Variants in FREM2 observed in about 807,000 individuals in gnomAD.
The protein encoded by FREM2 is FRAS1-related extracellular matrix protein 2.
Under a neutral mutation model 219.9 loss-of-function variants are expected in FREM2, and 119 were observed. That is an observed-to-expected ratio of 0.54 (90% CI 0.47 to 0.63). The LOEUF (loss-of-function observed/expected upper bound fraction) is 0.63. Ranked by LOEUF, FREM2 falls within the 30% of genes least tolerant of loss-of-function variation. FREM2 has a pLI of 0.00. For synonymous variants in FREM2, 1,562 were observed against 1,522.8 expected (o/e 1.03, Z -0.60); for missense variants, 4,030 against 3,993.6 (o/e 1.01, Z -0.25).
intron 6 of FREM2, among the ~76,000 whole-genome samples, chr13:38,814,474 C>G (rs1416228081): frequency 6.6e-6 from 1 of 152,194 alleles, no homozygotes; most frequent in Non-Finnish European, 1.5e-5. Flanking sequence ...GGCAGAGGCT[C>G]TTGTTCTTCT....
At chr13:38,808,040 TGA>T (rs1477854327) in intron 6 of FREM2, among the ~76,000 whole-genome samples, 1 of 151,978 alleles carries the variant, frequency 6.6e-6, no homozygotes, top group Non-Finnish European at 1.5e-5. Flanking sequence ...TTCATTTTAG[TGA>T]GATCTTCTGG....
intron 2 of FREM2, among the ~76,000 whole-genome samples, chr13:38,742,406 T>C (rs1458676539): frequency 6.6e-6 from 1 of 152,204 alleles, no homozygotes; most frequent in Admixed American, 6.5e-5. Context: ...AATGTGAATT[T>C]GGCACAGGGG....
At chr13:38,716,881 G>A (rs1426091237) in intron 2 of FREM2, among the ~76,000 whole-genome samples, 3 of 152,188 alleles carry the variant, frequency 2.0e-5, no homozygotes, top group Non-Finnish European at 4.4e-5. Context: ...ATGTGTACAC[G>A]CATAGACAAA....
At chr13:38,812,680 A>AGACCAGCC (rs1482894991) in intron 6 of FREM2, among the ~76,000 whole-genome samples, 1 of 152,088 alleles carries the variant, frequency 6.6e-6, no homozygotes, top group Non-Finnish European at 1.5e-5. Context: ...CAGGAGTTTG[A>AGACCAGCC]GACCAGCCTG....
intron 2 of FREM2, 77 bp from the exon 3 acceptor site, chr13:38,764,227 T>C: frequency 9.7e-7 from 1 of 1,029,214 alleles, no homozygotes. Flanking sequence ...GTTGTTTCAT[T>C]AAAGTAATCT....
chr13:38,825,956 G>A (rs1317451040), intron 6 of FREM2, among the ~76,000 whole-genome samples: 1 of 152,058 alleles, frequency 6.6e-6, no homozygotes, highest in East Asian at 1.9e-4. Flanking sequence ...TCTCTTTAAA[G>A]CCAAAATGTT....
rs574982466 is a variant in FREM2 at position 38,712,159 on chromosome 13, G to A, written c.5263+14372G>A. 9.2e-5 allele frequency among the ~76,000 whole-genome samples: 14 copies of A among 152,094 alleles called. No homozygotes were observed. In the South Asian group the frequency reaches 2.9e-3, roughly 32 times the overall value. On this transcript the variant is annotated intron_variant, in intron 2 of 23. Coordinates refer to ENST00000280481, the MANE Select transcript of FREM2 (RefSeq NM_207361.6). ...TCCACCTGCCTCGGCCCCCCAAAGT[G>A]CTGGGATTACAGGCGTGAGCCACCG...
At chr13:38,823,879 TA>T (rs1217261474) in intron 6 of FREM2, among the ~76,000 whole-genome samples, 1 of 152,060 alleles carries the variant, frequency 6.6e-6, no homozygotes, top group Non-Finnish European at 1.5e-5. Context: ...CCCATAGTAT[TA>T]AATTCTTCAA....
intron 14 of FREM2, among the ~76,000 whole-genome samples, chr13:38,860,923 ATTTT>A (rs1566170120): frequency 6.6e-6 from 1 of 152,204 alleles, no homozygotes; most frequent in African/African-American, 2.4e-5. Context: ...TTGCTCTCTG[ATTTT>A]TAAGGAGACT....
At chr13:38,869,038 G>T (rs577905475) in intron 16 of FREM2, among the ~76,000 whole-genome samples, 3 of 152,288 alleles carry the variant, frequency 2.0e-5, no homozygotes, top group Middle Eastern at 6.8e-3. Flanking sequence ...GACATTACTT[G>T]CCCTCCTCTA....
intron 4 of FREM2, among the ~76,000 whole-genome samples, chr13:38,780,498 G>C (rs1247982424): frequency 1.3e-5 from 2 of 152,086 alleles, no homozygotes; most frequent in East Asian, 3.9e-4. Flanking sequence ...TCAACTCTTA[G>C]ACCTGGTGTC....
At chr13:38,793,594 A>G (rs1874651428) in intron 6 of FREM2, among the ~76,000 whole-genome samples, 1 of 152,226 alleles carries the variant, frequency 6.6e-6, no homozygotes, top group South Asian at 2.1e-4. Context: ...TCATTCTTGC[A>G]ATAGAAATAG....
At chr13:38,755,841 C>G (rs895504381) in intron 2 of FREM2, among the ~76,000 whole-genome samples, 5 of 152,196 alleles carry the variant, frequency 3.3e-5, no homozygotes, top group African/African-American at 1.2e-4. Context: ...AGAATTCATT[C>G]CATGCATATC....
At position 38,874,496 on chromosome 13, in the gene FREM2, AC is replaced by A; in HGVS notation, c.8193del (p.Ser2732AlafsTer36). On this transcript the variant is annotated frameshift_variant, in exon 18 of 24. Coordinates refer to ENST00000280481, the MANE Select transcript of FREM2 (RefSeq NM_207361.6). LOFTEE classifies it high-confidence loss of function. ...CCCCATTATAGGTTCTCTCTATCCA[AC>A]CAGCATGCGCATCGGTGATGAGGGG... ...EAELQGSLYPTSMRIGDEGRL... is the reference protein window; with the variant it reads ...EAELQGSLYPXSMRIGDEGRL... The A allele has an allele frequency of 6.2e-7, 1 of 1,613,990 alleles. No individual in the cohort carries two copies. Among genetic ancestry groups the A allele is most frequent in the South Asian group, 1.1e-5 (1 of 91,074 alleles).
At position 38,688,938 on chromosome 13, in the gene FREM2, C is replaced by G. The variant is rs768689433; in HGVS notation, c.1594C>G (p.Leu532Val). 1.9e-5 allele frequency: 31 copies of G among 1,613,010 alleles called. 1 individual carries two copies. In the South Asian group the frequency reaches 3.1e-4, roughly 16 times the overall value. Residue 532 changes from leucine to valine, a missense_variant, in exon 1 of 24, where the codon CTG becomes GTG. Transcript: ENST00000280481. Reference protein sequence around the residue: ...DDRDGSLSDNLVLRMVDGGGR... With the variant: ...DDRDGSLSDNVVLRMVDGGGR... ...CAGAGACGGCTCGCTGAGCGACAAC[C>G]TGGTGCTTCGCATGGTGGATGGAGG...
At chr13:38,809,084 T>A (rs993279769) in intron 6 of FREM2, among the ~76,000 whole-genome samples, 3 of 151,836 alleles carry the variant, frequency 2.0e-5, no homozygotes, top group Non-Finnish European at 4.4e-5. Context: ...TTTCATTTTT[T>A]AAAATTGTTA....
chr13:38,790,675 G>A (rs1874525138), intron 6 of FREM2, among the ~76,000 whole-genome samples: 1 of 152,028 alleles, frequency 6.6e-6, no homozygotes, highest in South Asian at 2.1e-4. Flanking sequence ...TATTAGGTTG[G>A]TACAAAAGTA....
At chr13:38,805,074 A>G (rs1402518269) in intron 6 of FREM2, among the ~76,000 whole-genome samples, 3 of 152,100 alleles carry the variant, frequency 2.0e-5, no homozygotes, top group Non-Finnish European at 4.4e-5. Flanking sequence ...CACTTTAAAA[A>G]CCAAGCAAAA....
At chr13:38,744,203 C>CTTTTT (rs11308232) in intron 2 of FREM2, among the ~76,000 whole-genome samples, 1 of 51,710 alleles carries the variant, frequency 1.9e-5, no homozygotes, top group Non-Finnish European at 3.4e-5. Flanking sequence ...GAGGTAAATC[C>CTTTTT]TTTTTTTTTT....
Sources: gnomAD v4.1 joint callset for allele counts (sites outside exome capture counted in the v4.1 genomes callset) on GRCh38, gnomAD v4.1.1 for gene constraint, MANE v1.5 for transcripts, NCBI Gene and HGNC (gene_info 2026-07-23, HGNC 2026-07-21) for gene names.